Variants in KCNAB1 observed in about 807,000 individuals in gnomAD.
KCNAB1 encodes voltage-gated potassium channel subunit beta-1.
Under a neutral mutation model 64.6 loss-of-function variants are expected in KCNAB1, and 35 were observed. The observed-to-expected ratio is 0.54, with a 90% confidence interval of 0.41 to 0.72. KCNAB1 has a LOEUF of 0.72. KCNAB1 is among the 30% of genes least tolerant of loss of function. The pLI is 0.00. For missense variants in KCNAB1, 401 were observed against 512.9 expected (o/e 0.78, Z 2.11); for synonymous variants, 177 against 183.8 (o/e 0.96, Z 0.30).
chr3:156,518,861 T>A (rs1717746979), intron 11 of KCNAB1, among the ~76,000 whole-genome samples: 1 of 152,290 alleles, frequency 6.6e-6, no homozygotes, highest in South Asian at 2.1e-4. Flanking sequence ...ATTAGACATC[T>A]CCAAGTAGAA....
At chr3:156,292,834 C>T (rs540545225) in intron 1 of KCNAB1, among the ~76,000 whole-genome samples, 47 of 152,300 alleles carry the variant, frequency 3.1e-4, no homozygotes, top group African/African-American at 1.1e-3. Flanking sequence ...TAAACCACCG[C>T]GCCTGGCCTT....
At chr3:156,190,095 A>G (rs1713464917) in intron 1 of KCNAB1, among the ~76,000 whole-genome samples, 1 of 152,240 alleles carries the variant, frequency 6.6e-6, no homozygotes, top group Non-Finnish European at 1.5e-5. Flanking sequence ...CATTAATCAA[A>G]AGCTTCAGTC....
intron 2 of KCNAB1, among the ~76,000 whole-genome samples, chr3:156,451,011 A>G (rs1175727149): frequency 1.3e-5 from 2 of 152,156 alleles, no homozygotes; most frequent in Non-Finnish European, 2.9e-5. Flanking sequence ...CTTTGATTTC[A>G]GTGCTGGGAA....
chr3:156,457,287 T>C (rs1304824166), intron 3 of KCNAB1, 166 bp from the exon 4 acceptor site: 1 of 1,434,872 alleles, frequency 7.0e-7, no homozygotes. Flanking sequence ...TTCTGTCCTA[T>C]GGATACTGGC....
In KCNAB1 at chr3:156,536,646, T is replaced by A; in HGVS notation, c.1171-12T>A. On this transcript the variant is annotated splice_polypyrimidine_tract_variant and intron_variant, in intron 13 of 13. Coordinates refer to ENST00000490337, the MANE Select transcript of KCNAB1 (RefSeq NM_172160.3). ...CTAACAATATCCTTTGTACTTCTCC[T>A]CCTGCTCTCAGGTTCTCCCAAAGAT... 1 of 1,581,608 alleles carries A rather than the reference T, an allele frequency of 6.3e-7. No individual in the cohort carries two copies. The highest frequency in any genetic ancestry group is 8.7e-7 in the Non-Finnish European group (1 of 1,150,350).
chr3:156,312,703 C>CAAAAA lies in KCNAB1; in HGVS notation c.276-108889_276-108885dup, dbSNP rs397991453. Among the ~76,000 whole-genome samples the CAAAAA allele has an allele frequency of 1.1e-3, 29 of 27,422 alleles. 4 individuals are homozygous for CAAAAA. The highest frequency in any genetic ancestry group is 3.2e-3 in the African/African-American group (27 of 8,428). The allele number at this position is 27,422 out of a possible 152,430, so 18.0% of individuals were successfully genotyped here. A position where few individuals can be genotyped will look rare whatever the true frequency, so the allele number is the denominator to read the frequency against. The stretch of plus-strand genomic sequence containing the variant: ...CTAGGTGACAGAGTGAGACTGTCTC[C>CAAAAA]AAAAAAAAAAAAAAAAAAAAAAAAA... On this transcript the variant is annotated intron_variant, in intron 1 of 13. Transcript: ENST00000490337.
At chr3:156,296,444 C>T (rs1191172644) in intron 1 of KCNAB1, among the ~76,000 whole-genome samples, 1 of 147,968 alleles carries the variant, frequency 6.8e-6, no homozygotes, top group African/African-American at 2.5e-5. Flanking sequence ...TCTTTAAATT[C>T]CACTAAAAAC....
intron 8 of KCNAB1, among the ~76,000 whole-genome samples, chr3:156,476,601 A>G (rs1714380924): frequency 6.6e-6 from 1 of 151,828 alleles, no homozygotes; most frequent in Non-Finnish European, 1.5e-5. Flanking sequence ...ACACATATAT[A>G]TATATCTCAC....
intron 1 of KCNAB1, among the ~76,000 whole-genome samples, chr3:156,351,634 A>G (rs569745458): frequency 6.6e-6 from 1 of 152,326 alleles, no homozygotes; most frequent in African/African-American, 2.4e-5. Flanking sequence ...TTCTGGCAGA[A>G]GCTCCACTCA....
At chr3:156,390,220 C>T (rs1294503946) in intron 1 of KCNAB1, among the ~76,000 whole-genome samples, 3 of 152,170 alleles carry the variant, frequency 2.0e-5, no homozygotes, top group Non-Finnish European at 4.4e-5. Flanking sequence ...CTCCCACCCA[C>T]CCCAGGTCTG....
intron 1 of KCNAB1, among the ~76,000 whole-genome samples, chr3:156,153,738 G>C (rs1023881772): frequency 6.6e-6 from 1 of 152,208 alleles, no homozygotes; most frequent in African/African-American, 2.4e-5. Flanking sequence ...TGAAACATCA[G>C]CTCTTCTTGA....
intron 1 of KCNAB1, chr3:156,176,095 A>G (rs7625226): frequency 0.62 from 472,684 of 767,192 alleles, 150,506 homozygotes; most frequent in East Asian, 0.95. Flanking sequence ...TCCTTGAACT[A>G]TGTTTACACA....
Position 156,537,583 on chromosome 3 carries a change from T to G in KCNAB1, c.*836T>G, listed in dbSNP as rs1719144406. The G allele has an allele frequency of 6.5e-6, 1 of 152,714 alleles. No homozygotes were observed. Among genetic ancestry groups the G allele is most frequent in the Non-Finnish European group, 1.5e-5 (1 of 68,064 alleles). The allele number at this position is 152,714 out of a possible 1,614,324, so 9.5% of individuals were successfully genotyped here. ...GGCTACACTGCTATGGAAACTTAGCTTCAAAGAAAATGCAATGTATCTGCA... is the reference window on the plus strand; with the variant it reads ...GGCTACACTGCTATGGAAACTTAGCGTCAAAGAAAATGCAATGTATCTGCA... On this transcript the variant is annotated 3_prime_UTR_variant, in exon 14 of 14. Transcript: ENST00000490337.
intron 8 of KCNAB1, among the ~76,000 whole-genome samples, chr3:156,480,564 C>CAGGTGAGGTT (rs549944839): frequency 0.011 from 1,601 of 151,264 alleles, 13 homozygotes; most frequent in South Asian, 0.03. Context: ...TAAAAAGAAA[C>CAGGTGAGGTT]AGGTGAGGTT....
chr3:156,501,972 A>G (rs967949654), intron 8 of KCNAB1, among the ~76,000 whole-genome samples: 1 of 152,118 alleles, frequency 6.6e-6, no homozygotes, highest in Non-Finnish European at 1.5e-5. Context: ...CTTATTAACT[A>G]TCATGAGAAT....
intron 8 of KCNAB1, among the ~76,000 whole-genome samples, chr3:156,494,451 T>TCTACTCACCTC (rs1252313563): frequency 6.6e-6 from 1 of 152,134 alleles, no homozygotes; most frequent in Non-Finnish European, 1.5e-5. Context: ...TCACCTATTC[T>TCTACTCACCTC]GCATGGTGCC....
rs368330914 is a variant in KCNAB1, at chr3:156,537,010, A to G, written c.*263A>G. ...GCTGTATACACCTCATGCTTATGCAATGGGAAGAATATGGGGGCCAGGGGG... is the reference window on the plus strand; with the variant it reads ...GCTGTATACACCTCATGCTTATGCAGTGGGAAGAATATGGGGGCCAGGGGG... On this transcript the variant is annotated 3_prime_UTR_variant, in exon 14 of 14. Transcript: ENST00000490337. 4 of 485,826 alleles carry G rather than the reference A, an allele frequency of 8.2e-6. No individual in the cohort carries two copies. The highest frequency in any genetic ancestry group is 1.4e-5 in the Non-Finnish European group (4 of 277,086). 30.1% of individuals were successfully genotyped at this position (485,826 alleles called of 1,614,324 possible). A position where few individuals can be genotyped will look rare whatever the true frequency, so the allele number is the denominator to read the frequency against.
At chr3:156,210,328 A>G (rs1473822766) in intron 1 of KCNAB1, among the ~76,000 whole-genome samples, 8 of 152,158 alleles carry the variant, frequency 5.3e-5, no homozygotes. Context: ...CTAGATATGA[A>G]TGTATACAGA....
chr3:156,255,178 T>C (rs935641724), intron 1 of KCNAB1, among the ~76,000 whole-genome samples: 2 of 152,226 alleles, frequency 1.3e-5, no homozygotes, highest in Non-Finnish European at 2.9e-5. Flanking sequence ...CCGCTTTCAT[T>C]CTAGCTCCTT....
Sources: allele counts gnomAD v4.1 joint callset (sites outside exome capture counted in the v4.1 genomes callset), GRCh38; gene constraint gnomAD v4.1.1; transcripts MANE v1.5; gene names NCBI Gene and HGNC (gene_info 2026-07-23, HGNC 2026-07-21).